LRP1B: variants seen among roughly 807,000 people sequenced by gnomAD.
The protein encoded by LRP1B is LDL receptor related protein 1B, also known as low-density lipoprotein receptor-related protein 1B.
In LRP1B, 217 loss-of-function variants were observed where a neutral mutation model predicts 556.6. The observed-to-expected ratio is 0.39, with a 90% CI of 0.35 to 0.44. The LOEUF (loss-of-function observed/expected upper bound fraction) is 0.44, where lower values mean the gene tolerates loss of function less well. LRP1B is among the 20% of genes least tolerant of loss of function. The pLI is 1.00. For missense variants in LRP1B, 5,053 were observed against 5,620.8 expected (o/e 0.90, Z 3.23); for synonymous variants, 2,047 against 1,865.8 (o/e 1.10, Z -2.50).
rs1212048088 is a variant in LRP1B at position 140,702,284 on chromosome 2, T to C, written c.6159A>G (p.Lys2053=). 1 of 1,613,120 alleles carries C rather than the reference T, an allele frequency of 6.2e-7. No homozygotes were observed. The highest frequency in any genetic ancestry group is 1.1e-5 in the South Asian group (1 of 90,910). The change falls in exon 39 of 91, where the codon AAA becomes AAG. Residue 2053 remains lysine (K), a synonymous_variant. Coordinates refer to ENST00000389484, the MANE Select transcript of LRP1B (RefSeq NM_018557.3). ...CTGTGCGAGCATCACACCAGTACAA[T>C]TTATTTTCCTAAATATCGATTAAGA... ...NGISIDYEEN[K]LYWCDARTDK... is the part of the protein sequence containing the mutation.
chr2:140,431,957 A>G (rs1396678103), intron 66 of LRP1B, among the ~76,000 whole-genome samples: 1 of 151,872 alleles, frequency 6.6e-6, no homozygotes. Context: ...CCACTATTTC[A>G]TTTTATTTTT....
At chr2:140,362,281 C>T (rs1682549125) in intron 72 of LRP1B, among the ~76,000 whole-genome samples, 1 of 151,528 alleles carries the variant, frequency 6.6e-6, no homozygotes. Context: ...ATTTAGAATC[C>T]CCAAGGTTGC....
chr2:141,204,738 G>A (rs1200853696), intron 6 of LRP1B, among the ~76,000 whole-genome samples: 1 of 152,058 alleles, frequency 6.6e-6, no homozygotes, highest in Non-Finnish European at 1.5e-5. Flanking sequence ...AGGAGTTCGA[G>A]ACCAGCTGGC....
At chr2:141,058,743 T>G (rs980007293) in intron 9 of LRP1B, 140 bp downstream of exon 9, 3 of 538,130 alleles carry the variant, frequency 5.6e-6, no homozygotes, top group African/African-American at 2.0e-5. Flanking sequence ...TCTATTCCAT[T>G]TAACAAGCAG....
chr2:140,424,003 T>C (rs1453998045), intron 66 of LRP1B, among the ~76,000 whole-genome samples: 2 of 152,176 alleles, frequency 1.3e-5, no homozygotes, highest in Admixed American at 6.5e-5. Flanking sequence ...ATCTACCATG[T>C]TCCAAAATGA....
chr2:141,188,720 G>GTT, intron 6 of LRP1B, 137 bp from the exon 7 acceptor site: 1 of 674,918 alleles, frequency 1.5e-6, no homozygotes. Flanking sequence ...AAACTGCAAA[G>GTT]TCTCTTGCTA....
At chr2:141,456,287 T>C (rs553945239) in intron 3 of LRP1B, among the ~76,000 whole-genome samples, 1 of 152,338 alleles carries the variant, frequency 6.6e-6, no homozygotes, top group South Asian at 2.1e-4. Flanking sequence ...TACTTTTAAG[T>C]TTTTCCACCA....
chr2:140,950,953 G>GA (rs1204903864), intron 19 of LRP1B, among the ~76,000 whole-genome samples: 3 of 151,434 alleles, frequency 2.0e-5, no homozygotes, highest in Non-Finnish European at 2.9e-5. Flanking sequence ...TAAACTGAGA[G>GA]AAAAAAATCC....
chr2:141,612,063 C>A (rs981883949), intron 2 of LRP1B, among the ~76,000 whole-genome samples: 3 of 152,294 alleles, frequency 2.0e-5, no homozygotes, highest in African/African-American at 7.2e-5. Context: ...TGTATGCTTG[C>A]ACAGAAAGCT....
intron 2 of LRP1B, among the ~76,000 whole-genome samples, chr2:141,656,185 T>C (rs183400770): frequency 2.1e-3 from 316 of 152,238 alleles, no homozygotes; most frequent in Middle Eastern, 3.4e-3. Context: ...CACAATACCA[T>C]GTTGCCTCCC....
At chr2:140,921,601 C>T (rs913635647) in intron 21 of LRP1B, among the ~76,000 whole-genome samples, 3 of 151,886 alleles carry the variant, frequency 2.0e-5, no homozygotes, top group Non-Finnish European at 4.4e-5. Context: ...CATTTCTAAA[C>T]TTAAAATCAC....
rs180948690 is a variant in LRP1B at position 141,157,090 on chromosome 2, A to G, written c.1013+31331T>C. Among the ~76,000 whole-genome samples the G allele has an allele frequency of 5.6e-4, 85 of 152,242 alleles. 1 individual carries two copies. Among genetic ancestry groups the G allele is most frequent in the Non-Finnish European group, 8.8e-4 (60 of 67,996 alleles). On this transcript the variant is annotated intron_variant, in intron 7 of 90. Transcript: ENST00000389484. The stretch of plus-strand genomic sequence containing the variant: ...TTATGTATCTATTAAAAAAACGAAG[A>G]TGTTTTATGTCACCTATCATTTGCT...
intron 82 of LRP1B, among the ~76,000 whole-genome samples, chr2:140,318,206 CAAT>C (rs1684614221): frequency 6.6e-6 from 1 of 152,046 alleles, no homozygotes; most frequent in Non-Finnish European, 1.5e-5. Flanking sequence ...CTTCAGCAAT[CAAT>C]AATTCTGAAA....
intron 3 of LRP1B, among the ~76,000 whole-genome samples, chr2:141,334,080 A>C (rs1559012277): frequency 6.6e-6 from 1 of 152,224 alleles, no homozygotes; most frequent in Non-Finnish European, 1.5e-5. Flanking sequence ...TAATCTAAAA[A>C]CAATATATTT....
chr2:140,662,393 C>T lies in LRP1B; in HGVS notation c.6799+37857G>A, dbSNP rs555245869. Among the ~76,000 whole-genome samples, 99 of 152,120 alleles carry T rather than the reference C, an allele frequency of 6.5e-4. 2 individuals are homozygous for T. The highest frequency in any genetic ancestry group is 1.9e-3 in the African/African-American group (78 of 41,532). On this transcript the variant is annotated intron_variant, in intron 41 of 90. Coordinates refer to ENST00000389484, the MANE Select transcript of LRP1B (RefSeq NM_018557.3). Reference sequence around the variant, plus strand: ...TAAGAATACATAGCTGGTATTAACACAGTCTTCCTTTGGATGGAAGAGGGT... The same window carrying T: ...TAAGAATACATAGCTGGTATTAACATAGTCTTCCTTTGGATGGAAGAGGGT...
intron 3 of LRP1B, among the ~76,000 whole-genome samples, chr2:141,410,688 T>A (rs975027962): frequency 1.3e-5 from 2 of 152,058 alleles, no homozygotes; most frequent in African/African-American, 4.8e-5. Context: ...AAATTTGTCC[T>A]ATATTGTGAT....
At chr2:141,201,608 A>G (rs1682024445) in intron 6 of LRP1B, among the ~76,000 whole-genome samples, 1 of 150,486 alleles carries the variant, frequency 6.6e-6, no homozygotes, top group Non-Finnish European at 1.5e-5. Flanking sequence ...TCATATAATT[A>G]TTACATATGT....
At chr2:141,268,464 C>T (rs549401750) in intron 3 of LRP1B, among the ~76,000 whole-genome samples, 18 of 152,240 alleles carry the variant, frequency 1.2e-4, no homozygotes, top group Admixed American at 6.5e-4. Context: ...ACCACAAAGA[C>T]TGTGCACTAA....
intron 7 of LRP1B, among the ~76,000 whole-genome samples, chr2:141,141,393 T>A (rs1701649387): frequency 6.6e-6 from 1 of 152,166 alleles, no homozygotes; most frequent in African/African-American, 2.4e-5. Context: ...TTCCGTAATA[T>A]ATTTAAGATA....
Sources: allele counts gnomAD v4.1 joint callset (sites outside exome capture counted in the v4.1 genomes callset), GRCh38; gene constraint gnomAD v4.1.1; transcripts MANE v1.5; gene names NCBI Gene and HGNC (gene_info 2026-07-23, HGNC 2026-07-21).